The following MAGI2 variants were observed in gnomAD, a reference collection of about 807,000 sequenced individuals.
MAGI2 encodes the protein membrane associated guanylate kinase, WW and PDZ domain containing 2.
A neutral mutation model predicts 133.3 loss-of-function variants in MAGI2; 35 were observed. That is an observed-to-expected ratio of 0.26 (90% CI 0.20 to 0.35). The LOEUF (loss-of-function observed/expected upper bound fraction) is 0.35, where lower values mean the gene tolerates loss of function less well. MAGI2 is among the 10% of genes least tolerant of loss of function. The pLI, the probability that MAGI2 is intolerant of heterozygous loss-of-function variation, is 1.00. For missense variants in MAGI2, 1,636 were observed against 1,863.4 expected (o/e 0.88, Z 2.25); for synonymous variants, 729 against 710.6 (o/e 1.03, Z -0.41).
chr7:78,303,274 G>A (rs933153702), intron 9 of MAGI2, among the ~76,000 whole-genome samples: 2 of 148,842 alleles, frequency 1.3e-5, no homozygotes, highest in African/African-American at 4.9e-5. Flanking sequence ...AGCTACTCAG[G>A]AAGTTGAGAC....
intron 1 of MAGI2, among the ~76,000 whole-genome samples, chr7:79,387,832 T>C (rs2129148025): frequency 6.6e-6 from 1 of 152,082 alleles, no homozygotes; most frequent in East Asian, 1.9e-4. Flanking sequence ...TGATGGAAAT[T>C]TTAATAAATT....
intron 1 of MAGI2, among the ~76,000 whole-genome samples, chr7:79,173,820 C>G (rs1030685120): frequency 1.3e-5 from 2 of 152,016 alleles, no homozygotes; most frequent in Admixed American, 6.6e-5. Context: ...GAAATCAATA[C>G]TAATGGAACA....
chr7:78,624,216 T>G (rs756274242), intron 3 of MAGI2, among the ~76,000 whole-genome samples: 22 of 152,214 alleles, frequency 1.4e-4, no homozygotes, highest in Middle Eastern at 3.4e-3. Flanking sequence ...GACTCAATAT[T>G]AGATCTTTGT....
At chr7:79,322,623 A>G (rs1187522537) in intron 1 of MAGI2, among the ~76,000 whole-genome samples, 2 of 151,962 alleles carry the variant, frequency 1.3e-5, no homozygotes, top group Admixed American at 6.6e-5. Context: ...CGTCTCTACT[A>G]AAAATACAAA....
chr7:78,613,767 A>G (rs775082439), intron 3 of MAGI2, among the ~76,000 whole-genome samples: 10 of 152,200 alleles, frequency 6.6e-5, no homozygotes, highest in Non-Finnish European at 1.3e-4. Flanking sequence ...GTGACAATAT[A>G]ATAGGCCAAA....
In MAGI2 at chr7:78,560,981, T is replaced by C. The variant is rs185233699; in HGVS notation, c.539-39336A>G. ...CAGGTGTCCTAGAGAAAGGTAGAGG[T>C]GGTAATTTGTAGTTGGTGATCTTGG... On this transcript the variant is annotated intron_variant, in intron 3 of 21. Coordinates refer to ENST00000354212, the MANE Select transcript of MAGI2 (RefSeq NM_012301.4). Among the ~76,000 whole-genome samples, 513 of 152,114 alleles carry C rather than the reference T, an allele frequency of 3.4e-3. 3 individuals are homozygous for C. Among genetic ancestry groups the C allele is most frequent in the African/African-American group, 0.012 (486 of 41,506 alleles).
At chr7:79,160,229 T>G (rs1340101007) in intron 1 of MAGI2, among the ~76,000 whole-genome samples, 1 of 152,130 alleles carries the variant, frequency 6.6e-6, no homozygotes, top group African/African-American at 2.4e-5. Flanking sequence ...GATGTTGATT[T>G]TTCTTTAAAA....
At chr7:78,055,824 T>C (rs138207901) in intron 21 of MAGI2, among the ~76,000 whole-genome samples, 7 of 152,292 alleles carry the variant, frequency 4.6e-5, no homozygotes, top group Non-Finnish European at 1.0e-4. Context: ...TCTTATCTAA[T>C]TGTCCTGAAG....
At chr7:79,049,597 ATT>A (rs1169352836) in intron 1 of MAGI2, among the ~76,000 whole-genome samples, 2 of 151,820 alleles carry the variant, frequency 1.3e-5, no homozygotes, top group Non-Finnish European at 2.9e-5. Context: ...ATTAATTTAG[ATT>A]TTTTCTTTAT....
intron 2 of MAGI2, among the ~76,000 whole-genome samples, chr7:78,985,164 G>A (rs1805142312): frequency 6.6e-6 from 1 of 151,882 alleles, no homozygotes; most frequent in Non-Finnish European, 1.5e-5. Flanking sequence ...ACCATGCCCA[G>A]ACATATATTC....
intron 2 of MAGI2, among the ~76,000 whole-genome samples, chr7:78,681,881 A>G (rs1191483575): frequency 6.6e-6 from 1 of 152,162 alleles, no homozygotes; most frequent in Non-Finnish European, 1.5e-5. Context: ...GAAACTTCAG[A>G]ATCACAACCT....
At chr7:79,043,087 T>G (rs1005446369) in intron 1 of MAGI2, among the ~76,000 whole-genome samples, 2 of 152,090 alleles carry the variant, frequency 1.3e-5, no homozygotes, top group East Asian at 1.9e-4. Context: ...AAAACAGTAT[T>G]AAGAAGAAAG....
chr7:79,196,939 T>A (rs1018324808), intron 1 of MAGI2, among the ~76,000 whole-genome samples: 2 of 151,278 alleles, frequency 1.3e-5, no homozygotes, highest in Non-Finnish European at 2.9e-5. Flanking sequence ...AGTTAATTTT[T>A]GATTTTTTAT....
chr7:78,689,572 C>T (rs1329812113), intron 2 of MAGI2, among the ~76,000 whole-genome samples: 1 of 152,026 alleles, frequency 6.6e-6, no homozygotes, highest in African/African-American at 2.4e-5. Context: ...GTCTCGCCCA[C>T]ATGACCGTCA....
chr7:78,781,514 C>CA (rs1038077223), intron 2 of MAGI2, among the ~76,000 whole-genome samples: 3 of 150,522 alleles, frequency 2.0e-5, no homozygotes, highest in Admixed American at 6.6e-5. Flanking sequence ...ACTAAATAAA[C>CA]AAAAAAGGAA....
chr7:78,743,181 C>A (rs893574284), intron 2 of MAGI2, among the ~76,000 whole-genome samples: 1 of 152,142 alleles, frequency 6.6e-6, no homozygotes, highest in African/African-American at 2.4e-5. Context: ...ACTAGAACAT[C>A]CCCTCCTCTA....
chr7:78,125,779 A>G lies in MAGI2; in HGVS notation c.3482T>C (p.Ile1161Thr). Residue 1161 changes from isoleucine to threonine, a missense_variant, in exon 20 of 22, where the codon ATT becomes ACT. Transcript: ENST00000354212. ...CATTTTGTATTCCCTTCCTCCACGA[A>G]TGCTGAATCCAAATCCTTTGGCTCC... ...EKGAKGFGFSIRGGREYKMDL... is the reference protein window; with the variant it reads ...EKGAKGFGFSTRGGREYKMDL... 6.2e-7 allele frequency: 1 copy of G among 1,614,166 alleles called. No individual in the cohort carries two copies.
intron 2 of MAGI2, among the ~76,000 whole-genome samples, chr7:78,777,144 G>C (rs1826048010): frequency 6.6e-6 from 1 of 152,154 alleles, no homozygotes; most frequent in South Asian, 2.1e-4. Flanking sequence ...GTTAAAGTTT[G>C]ATTACCCCAT....
At chr7:78,941,128 G>A (rs1186233665) in intron 2 of MAGI2, among the ~76,000 whole-genome samples, 2 of 152,126 alleles carry the variant, frequency 1.3e-5, no homozygotes, top group African/African-American at 4.8e-5. Context: ...ATATAGCACA[G>A]TTGGAACTGT....
Sources: gnomAD v4.1 joint callset for allele counts (sites outside exome capture counted in the v4.1 genomes callset) on GRCh38, gnomAD v4.1.1 for gene constraint, MANE v1.5 for transcripts, NCBI Gene and HGNC (gene_info 2026-07-23, HGNC 2026-07-21) for gene names.